Variants in CHLSN observed in about 807,000 individuals in gnomAD.
CHLSN encodes the protein cholesin.
the CHLSN span, chr7:987,162 A>C: frequency 6.3e-7 from 1 of 1,576,096 alleles, no homozygotes; most frequent in Non-Finnish European, 8.6e-7. Flanking sequence ...TGCACCCTGG[A>C]CATGGTCATG....
At chr7:990,597 C>T in the CHLSN span, among the ~76,000 whole-genome samples, 10 of 152,052 alleles carry the variant, frequency 6.6e-5, no homozygotes, top group African/African-American at 1.2e-4. Flanking sequence ...CAGGTGGGGC[C>T]GCAGGGTCCC....
At chr7:1,013,309 C>A in the CHLSN span, among the ~76,000 whole-genome samples, 1 of 152,264 alleles carries the variant, frequency 6.6e-6, no homozygotes, top group African/African-American at 2.4e-5. Flanking sequence ...TTGACACTAT[C>A]ACATAGAGCT....
the CHLSN span, among the ~76,000 whole-genome samples, chr7:1,081,777 G>A: frequency 8.6e-6 from 1 of 115,750 alleles, no homozygotes; most frequent in East Asian, 2.1e-4. Flanking sequence ...GGGACAGGGA[G>A]GCCTCTCGAA....
the CHLSN span, among the ~76,000 whole-genome samples, chr7:1,111,859 C>G: frequency 6.6e-6 from 1 of 151,956 alleles, no homozygotes; most frequent in Admixed American, 6.6e-5. Context: ...AGTGAGGACT[C>G]GCTGTGGATG....
the CHLSN span, among the ~76,000 whole-genome samples, chr7:996,753 T>C: frequency 6.6e-5 from 10 of 152,316 alleles, no homozygotes; most frequent in African/African-American, 2.4e-4. Context: ...ACAGGAAGTG[T>C]GTGGCTTGAT....
chr7:1,111,635 A>T, the CHLSN span, among the ~76,000 whole-genome samples: 13,026 of 152,268 alleles, frequency 0.086, 699 homozygotes, highest in South Asian at 0.12. Context: ...CTCTGTCCCT[A>T]CAAAAAATAC....
chr7:1,000,869 A>C, the CHLSN span, among the ~76,000 whole-genome samples: 1 of 152,202 alleles, frequency 6.6e-6, no homozygotes, highest in Admixed American at 6.5e-5. Context: ...CAGGGGGGGA[A>C]GGATGAAGTG....
At chr7:1,109,929 C>A in the CHLSN span, among the ~76,000 whole-genome samples, 1 of 152,316 alleles carries the variant, frequency 6.6e-6, no homozygotes. Flanking sequence ...TCCGCTCTCT[C>A]CACAAATGCC....
the CHLSN span, among the ~76,000 whole-genome samples, chr7:1,055,742 G>A: frequency 6.6e-6 from 1 of 152,126 alleles, no homozygotes; most frequent in Non-Finnish European, 1.5e-5. Flanking sequence ...GTCAGTGACT[G>A]GAGGCAGCAC....
chr7:1,108,212 G>A, the CHLSN span, among the ~76,000 whole-genome samples: 1 of 36,486 alleles, frequency 2.7e-5, no homozygotes, highest in South Asian at 1.1e-3. Flanking sequence ...GCTGTGTCCC[G>A]CACTGGAGTC....
the CHLSN span, among the ~76,000 whole-genome samples, chr7:1,130,706 C>T: frequency 1.3e-5 from 2 of 152,186 alleles, no homozygotes; most frequent in Non-Finnish European, 2.9e-5. Context: ...GCTATGTGGG[C>T]CCCGGGCGGG....
At chr7:1,024,458 G>A in the CHLSN span, 2 of 152,244 alleles carry the variant, frequency 1.3e-5, no homozygotes, top group Non-Finnish European at 2.9e-5. Context: ...CAGGGGACAA[G>A]AGAGACGCAG....
the CHLSN span, among the ~76,000 whole-genome samples, chr7:1,030,710 A>T: frequency 7.0e-6 from 1 of 143,244 alleles, no homozygotes; most frequent in South Asian, 2.3e-4. Context: ...GCAGGCGGGG[A>T]CTCTCTCTCT....
chr7:1,015,326 C>T, the CHLSN span, among the ~76,000 whole-genome samples: 1 of 152,250 alleles, frequency 6.6e-6, no homozygotes, highest in South Asian at 2.1e-4. Flanking sequence ...GGCTCCCCAT[C>T]CCCCAGGCAC....
At chr7:1,017,000 G>GCACACAGC in the CHLSN span, among the ~76,000 whole-genome samples, 1 of 125,266 alleles carries the variant, frequency 8.0e-6, no homozygotes, top group African/African-American at 2.9e-5. Context: ...CAGCGCACAG[G>GCACACAGC]AGCACACAGC....
chr7:1,019,458 A>C, the CHLSN span, among the ~76,000 whole-genome samples: 2 of 152,220 alleles, frequency 1.3e-5, no homozygotes, highest in South Asian at 2.1e-4. Flanking sequence ...GCTTCCTGGC[A>C]CCGTGAGGAG....
the CHLSN span, chr7:983,286 C>T: frequency 1.3e-6 from 2 of 1,544,202 alleles, no homozygotes; most frequent in South Asian, 1.2e-5. Flanking sequence ...CCCAAGACCC[C>T]TCCCCAGCTG....
the CHLSN span, among the ~76,000 whole-genome samples, chr7:1,016,844 A>G: frequency 3.3e-5 from 3 of 91,666 alleles, no homozygotes; most frequent in East Asian, 7.7e-4. Flanking sequence ...AGCGCACGCC[A>G]GCACACAGCA....
At chr7:1,127,998 G>A in the CHLSN span, among the ~76,000 whole-genome samples, 6 of 25,516 alleles carry the variant, frequency 2.4e-4, no homozygotes, top group African/African-American at 1.8e-3. Context: ...TCATCCCACC[G>A]TCACCCGGGC....
Sources: gnomAD v4.1 joint callset for allele counts (sites outside exome capture counted in the v4.1 genomes callset) on GRCh38, gnomAD v4.1.1 for gene constraint, MANE v1.5 for transcripts, NCBI Gene and HGNC (gene_info 2026-07-23, HGNC 2026-07-21) for gene names.